KCNQ3: variants seen among roughly 807,000 people sequenced by gnomAD.
KCNQ3 encodes the protein potassium voltage-gated channel subfamily KQT member 3.
A neutral mutation model predicts 92.5 loss-of-function variants in KCNQ3; 30 were observed. The ratio of observed to expected loss-of-function variants is 0.32; its 90% CI spans 0.24 to 0.44. KCNQ3 has a LOEUF of 0.44. KCNQ3 is among the 20% of genes least tolerant of loss of function. The pLI, the probability that KCNQ3 is intolerant of heterozygous loss-of-function variation, is 1.00. For missense variants in KCNQ3, 913 were observed against 1,140.3 expected, an observed-to-expected ratio of 0.80 and a Z score of 2.87; for synonymous variants, 450 against 468.8, an observed-to-expected ratio of 0.96 and a Z score of 0.52.
chr8:132,350,304 C>A (rs570713687), intron 1 of KCNQ3, among the ~76,000 whole-genome samples: 64 of 152,296 alleles, frequency 4.2e-4, no homozygotes, highest in Middle Eastern at 6.8e-3. Flanking sequence ...CTAGGAGCTT[C>A]AGCCCTGGAG....
intron 1 of KCNQ3, among the ~76,000 whole-genome samples, chr8:132,191,879 T>C (rs1827173045): frequency 6.6e-6 from 1 of 151,730 alleles, no homozygotes; most frequent in Admixed American, 6.6e-5. Context: ...GGAGGGGTCT[T>C]GGGGTGGGAA....
intron 9 of KCNQ3, among the ~76,000 whole-genome samples, chr8:132,143,632 A>G (rs1825364835): frequency 6.6e-6 from 1 of 152,158 alleles, no homozygotes; most frequent in Non-Finnish European, 1.5e-5. Context: ...TGCTTTTCAT[A>G]GATGTTTAAG....
intron 8 of KCNQ3, among the ~76,000 whole-genome samples, chr8:132,164,999 C>A (rs1448151554): frequency 6.6e-6 from 1 of 152,154 alleles, no homozygotes; most frequent in Non-Finnish European, 1.5e-5. Flanking sequence ...CTCCACAGAC[C>A]AGGCCATCTC....
chr8:132,354,682 T>A (rs115967154), intron 1 of KCNQ3, among the ~76,000 whole-genome samples: 1 of 152,208 alleles, frequency 6.6e-6, no homozygotes, highest in African/African-American at 2.4e-5. Context: ...AGTTATTGCC[T>A]CTAAGATGTT....
Position 132,207,846 on chromosome 8 carries a change from T to A in KCNQ3, c.387-21665A>T, listed in dbSNP as rs566901089. Among the ~76,000 whole-genome samples the A allele has an allele frequency of 6.9e-4, 105 of 151,716 alleles. No individual in the cohort carries two copies. The Middle Eastern group carries it at 0.01, about 15-fold the overall frequency. ...GACACAAACATGGATTATTCTAGAC[T>A]TTTTTCTTTTCCTTTTGGAAATCTC... On this transcript the variant is annotated intron_variant, in intron 1 of 14. Transcript: ENST00000388996.
chr8:132,341,547 C>A (rs1364517174), intron 1 of KCNQ3, among the ~76,000 whole-genome samples: 1 of 152,176 alleles, frequency 6.6e-6, no homozygotes, highest in African/African-American at 2.4e-5. Context: ...CCTAGCAGTG[C>A]AATTTGATAA....
intron 1 of KCNQ3, among the ~76,000 whole-genome samples, chr8:132,214,527 C>A (rs1172165653): frequency 6.6e-6 from 1 of 152,304 alleles, no homozygotes; most frequent in South Asian, 2.1e-4. Flanking sequence ...TGTTTGTTCA[C>A]CCTTGACATC....
intron 1 of KCNQ3, among the ~76,000 whole-genome samples, chr8:132,274,901 C>T (rs911027250): frequency 2.6e-5 from 4 of 152,122 alleles, no homozygotes; most frequent in African/African-American, 9.7e-5. Context: ...AGGCCCAGAA[C>T]AGAGCACAGG....
rs759909757 is a variant in KCNQ3 at position 132,480,608 on chromosome 8, G to C, written c.-76C>G. On this transcript the variant is annotated 5_prime_UTR_variant, in exon 1 of 15. Coordinates refer to ENST00000388996, the MANE Select transcript of KCNQ3 (RefSeq NM_004519.4). ...GAAGGGGCGCTCGGGGTGCGTGAAC[G>C]AGGCGGCGGCGGCGGCTGCAAGCCC... 1 of 1,210,976 alleles carries C rather than the reference G, an allele frequency of 8.3e-7. No homozygotes were observed. Among genetic ancestry groups the C allele is most frequent in the South Asian group, 1.6e-5 (1 of 61,106 alleles). 75.0% of individuals were successfully genotyped at this position (1,210,976 alleles called of 1,614,324 possible).
At chr8:132,221,501 C>A (rs1814236539) in intron 1 of KCNQ3, among the ~76,000 whole-genome samples, 1 of 152,142 alleles carries the variant, frequency 6.6e-6, no homozygotes, top group Admixed American at 6.5e-5. Flanking sequence ...TTTTAATGAT[C>A]ACCATTCTAA....
At chr8:132,349,564 A>C (rs1395898925) in intron 1 of KCNQ3, among the ~76,000 whole-genome samples, 1 of 152,234 alleles carries the variant, frequency 6.6e-6, no homozygotes, top group African/African-American at 2.4e-5. Context: ...GATGTGATGC[A>C]AGAAGGGGCT....
At chr8:132,479,628 GACACACACACAC>G (rs71306386) in intron 1 of KCNQ3, among the ~76,000 whole-genome samples, 1 of 144,162 alleles carries the variant, frequency 6.9e-6, no homozygotes, top group African/African-American at 2.6e-5. Context: ...ACAAGCAAGC[GACACACACACAC>G]ACACACACAC....
At chr8:132,331,253 G>A (rs1282528766) in intron 1 of KCNQ3, among the ~76,000 whole-genome samples, 1 of 152,192 alleles carries the variant, frequency 6.6e-6, no homozygotes. Flanking sequence ...CAAAGTCACA[G>A]AGCTCGTAAT....
intron 1 of KCNQ3, among the ~76,000 whole-genome samples, chr8:132,454,036 T>C (rs1821885390): frequency 6.6e-6 from 1 of 151,704 alleles, no homozygotes; most frequent in African/African-American, 2.4e-5. Context: ...CCTAACACCA[T>C]GCCTGGCACC....
chr8:132,448,028 C>T (rs1286672515), intron 1 of KCNQ3, among the ~76,000 whole-genome samples: 1 of 152,154 alleles, frequency 6.6e-6, no homozygotes, highest in Non-Finnish European at 1.5e-5. Flanking sequence ...ATTGAAAGAG[C>T]ACAGGTAAGC....
intron 1 of KCNQ3, among the ~76,000 whole-genome samples, chr8:132,303,395 A>G (rs372487056): frequency 6.6e-6 from 1 of 151,004 alleles, no homozygotes; most frequent in Non-Finnish European, 1.5e-5. Context: ...CATCCATTAC[A>G]TATTTACCAA....
At chr8:132,288,931 G>A (rs1231798129) in intron 1 of KCNQ3, among the ~76,000 whole-genome samples, 1 of 152,130 alleles carries the variant, frequency 6.6e-6, no homozygotes, top group African/African-American at 2.4e-5. Flanking sequence ...CTATCAGATG[G>A]CAAGGCCTTG....
intron 1 of KCNQ3, among the ~76,000 whole-genome samples, chr8:132,295,137 A>C (rs1021072503): frequency 6.6e-6 from 1 of 152,248 alleles, no homozygotes; most frequent in East Asian, 1.9e-4. Context: ...CAATCTGTCC[A>C]TCTGACAAAG....
At chr8:132,271,269 A>G (rs1204340570) in intron 1 of KCNQ3, among the ~76,000 whole-genome samples, 1 of 152,204 alleles carries the variant, frequency 6.6e-6, no homozygotes, top group Non-Finnish European at 1.5e-5. Flanking sequence ...TGTCACTTAC[A>G]TTATCTAACC....
Sources: allele counts gnomAD v4.1 joint callset (sites outside exome capture counted in the v4.1 genomes callset), GRCh38; gene constraint gnomAD v4.1.1; transcripts MANE v1.5; gene names NCBI Gene and HGNC (gene_info 2026-07-23, HGNC 2026-07-21).